Variants in DDX19B observed in about 807,000 individuals in gnomAD.
DDX19B encodes the protein ATP-dependent RNA helicase DDX19B.
DDX19B carries 27 observed loss-of-function variants against 58.1 expected under a neutral mutation model. The observed-to-expected ratio is 0.46, with a 90% CI of 0.34 to 0.64. The LOEUF is 0.64. Ranked by LOEUF, DDX19B falls within the 30% of genes least tolerant of loss-of-function variation. The pLI is 0.01. For missense variants in DDX19B, 399 were observed against 596.5 expected (o/e 0.67, Z 3.45); for synonymous variants, 187 against 214.4 (o/e 0.87, Z 1.12).
At chr16:70,329,137 C>A (rs576970474) in intron 7 of DDX19B, among the ~76,000 whole-genome samples, 155 bp from the exon 8 acceptor site, 4 of 148,832 alleles carry the variant, frequency 2.7e-5, no homozygotes, top group Non-Finnish European at 4.4e-5. Context: ...GCAGGAGAAT[C>A]GCTTGAACCT....
upstream of DDX19B, among the ~76,000 whole-genome samples, chr16:70,294,490 A>T (rs1313878835): frequency 6.6e-6 from 1 of 152,212 alleles, no homozygotes; most frequent in African/African-American, 2.4e-5. Flanking sequence ...CTATTTGTTC[A>T]GATGCAAAAT....
intron 1 of DDX19B, among the ~76,000 whole-genome samples, chr16:70,309,223 C>T (rs969962514): frequency 6.6e-6 from 1 of 151,984 alleles, no homozygotes; most frequent in African/African-American, 2.4e-5. Flanking sequence ...AGGCTGGGCG[C>T]GGTGGCTTAT....
rs376373568 is a variant in DDX19B at position 70,316,997 on chromosome 16, G to T, written c.297-499G>T. Among the ~76,000 whole-genome samples, 132 of 152,152 alleles carry T rather than the reference G, an allele frequency of 8.7e-4. 1 individual carries two copies. The South Asian group carries it at 0.025, about 29-fold the overall frequency. On this transcript the variant is annotated intron_variant, in intron 4 of 11. Transcript: ENST00000288071. ...TGAGGCAGGTAGATCACGAGGTCCA[G>T]AGATTGAGATCATCCTGGCTAACAT...
At chr16:70,318,492 T>C (rs1962568354) in intron 5 of DDX19B, among the ~76,000 whole-genome samples, 1 of 151,652 alleles carries the variant, frequency 6.6e-6, no homozygotes, top group Non-Finnish European at 1.5e-5. Flanking sequence ...ATATAACTTT[T>C]AAAAAAGTTG....
chr16:70,330,836 G>C (rs1963445307), intron 9 of DDX19B, among the ~76,000 whole-genome samples: 1 of 151,988 alleles, frequency 6.6e-6, no homozygotes. Context: ...CTTGAGCCCA[G>C]GAGTTCAAGA....
At position 70,321,150 on chromosome 16, in the gene DDX19B, T is replaced by C. The variant is rs112479503; in HGVS notation, c.390-3435T>C. 3.3e-3 allele frequency among the ~76,000 whole-genome samples: 500 copies of C among 151,854 alleles called. 2 individuals are homozygous for C. Among genetic ancestry groups the C allele is most frequent in the African/African-American group, 0.011 (446 of 41,390 alleles). On this transcript the variant is annotated intron_variant, in intron 5 of 11. Coordinates refer to ENST00000288071, the MANE Select transcript of DDX19B (RefSeq NM_007242.7). ...GCTAATTTTGTATTTTTAGTAGAGA[T>C]GGGGTTTCTCCATGTTAATCAGGCT...
intron 4 of DDX19B, 60 bp downstream of exon 4, chr16:70,316,164 T>C (rs564069580): frequency 1.9e-6 from 3 of 1,599,328 alleles, no homozygotes; most frequent in East Asian, 4.5e-5. Context: ...ATCCTAGGTC[T>C]GTTATAGATA....
intron 4 of DDX19B, 143 bp from the exon 5 acceptor site, chr16:70,317,353 C>T: frequency 1.8e-6 from 1 of 562,096 alleles, no homozygotes; most frequent in Admixed American, 3.2e-5. Context: ...TGCACTGCAG[C>T]CTGGGCAATA....
At chr16:70,310,110 C>T (rs1474871409) in intron 1 of DDX19B, among the ~76,000 whole-genome samples, 1 of 152,006 alleles carries the variant, frequency 6.6e-6, no homozygotes, top group Non-Finnish European at 1.5e-5. Flanking sequence ...AGGCTGGGCG[C>T]AGTGGCTCAT....
At chr16:70,315,372 G>A (rs1886998583) in intron 3 of DDX19B, among the ~76,000 whole-genome samples, 1 of 147,920 alleles carries the variant, frequency 6.8e-6, no homozygotes, top group Middle Eastern at 3.5e-3. Context: ...GGGCGAAAGA[G>A]CGAGACTCTG....
chr16:70,326,477 A>T (rs1963149596), intron 7 of DDX19B, among the ~76,000 whole-genome samples: 1 of 152,272 alleles, frequency 6.6e-6, no homozygotes, highest in African/African-American at 2.4e-5. Flanking sequence ...ACTCCGTCTC[A>T]AAACAAGCAA....
At chr16:70,302,878 T>C (rs1380888954) in intron 1 of DDX19B, among the ~76,000 whole-genome samples, 2 of 152,234 alleles carry the variant, frequency 1.3e-5, no homozygotes, top group African/African-American at 4.8e-5. Context: ...GAGCTTCAAC[T>C]GCCCCACACC....
chr16:70,332,912 T>A (rs974808236), intron 10 of DDX19B, 56 bp from the exon 11 acceptor site: 111 of 1,614,024 alleles, frequency 6.9e-5, no homozygotes, highest in Non-Finnish European at 9.1e-5. Context: ...ATGGACCACA[T>A]GACTGATTTG....
chr16:70,302,506 T>A (rs1961540224), intron 1 of DDX19B, among the ~76,000 whole-genome samples: 2 of 152,200 alleles, frequency 1.3e-5, no homozygotes, highest in Admixed American at 6.6e-5. Flanking sequence ...TATAACCTTT[T>A]GAAAAGTCTG....
intron 5 of DDX19B, 198 bp downstream of exon 5, chr16:70,317,786 C>T (rs201299685): frequency 2.8e-5 from 9 of 321,314 alleles, no homozygotes; most frequent in South Asian, 8.0e-5. Flanking sequence ...AAAAAAAAAA[C>T]GTTATAAACT....
At position 70,302,203 on chromosome 16, in the gene DDX19B, G is replaced by A. The variant is rs141556997; in HGVS notation, c.57+2849G>A. ...CCCAAAGTCCTAGAATTACAGGCGTGAGCCACCACACCTGGCCAGCCCTTT... is the reference window on the plus strand; with the variant it reads ...CCCAAAGTCCTAGAATTACAGGCGTAAGCCACCACACCTGGCCAGCCCTTT... On this transcript the variant is annotated intron_variant, in intron 1 of 11. Coordinates refer to ENST00000288071, the MANE Select transcript of DDX19B (RefSeq NM_007242.7). Among the ~76,000 whole-genome samples the A allele has an allele frequency of 2.6e-3, 402 of 152,290 alleles. 2 individuals are homozygous for A. Among genetic ancestry groups the A allele is most frequent in the Middle Eastern group, 0.01 (3 of 294 alleles).
At chr16:70,291,236 CAG>C (rs1270246441), upstream of DDX19B, among the ~76,000 whole-genome samples, 1 of 152,040 alleles carries the variant, frequency 6.6e-6, no homozygotes, top group South Asian at 2.1e-4. Flanking sequence ...TAAAATAAGG[CAG>C]AGAGAGAGGT....
At chr16:70,326,663 A>G (rs1341411779) in intron 7 of DDX19B, among the ~76,000 whole-genome samples, 1 of 151,882 alleles carries the variant, frequency 6.6e-6, no homozygotes. Context: ...CAGACTCCCA[A>G]GTAGCTGGGA....
intron 1 of DDX19B, among the ~76,000 whole-genome samples, chr16:70,307,932 A>C (rs1961854233): frequency 6.7e-6 from 1 of 150,028 alleles, no homozygotes; most frequent in African/African-American, 2.4e-5. Flanking sequence ...TAAATTTATT[A>C]TTTATTTATG....
Sources: gnomAD v4.1 joint callset for allele counts (sites outside exome capture counted in the v4.1 genomes callset) on GRCh38, gnomAD v4.1.1 for gene constraint, MANE v1.5 for transcripts, NCBI Gene and HGNC (gene_info 2026-07-23, HGNC 2026-07-21) for gene names.